The following GPR89A variants were observed in gnomAD, a reference collection of about 807,000 sequenced individuals.
GPR89A encodes the protein G protein-coupled receptor 89A.
A neutral mutation model predicts 52.0 loss-of-function variants in GPR89A; 16 were observed. That is an observed-to-expected ratio of 0.31 (90% CI 0.21 to 0.47). The LOEUF is 0.47. Among genes scored for constraint, GPR89A ranks in the 20% least tolerant of loss-of-function variants. The pLI, the probability that GPR89A is intolerant of heterozygous loss-of-function variation, is 1.00. For synonymous variants in GPR89A, 55 were observed against 150.9 expected (o/e 0.36, Z 4.66); for missense variants, 135 against 449.4 (o/e 0.30, Z 6.33).
chr1:145,630,163 TACTC>T (rs1553689653), intron 5 of GPR89A, among the ~76,000 whole-genome samples: 1 of 142,304 alleles, frequency 7.0e-6, no homozygotes, highest in Non-Finnish European at 1.5e-5. Context: ...GCCTTTGAAT[TACTC>T]ATTCATCTAT....
chr1:145,647,114 T>C (rs1216169139), intron 9 of GPR89A, 61 bp from the exon 10 acceptor site: 2 of 1,532,302 alleles, frequency 1.3e-6, no homozygotes, highest in African/African-American at 1.4e-5. Context: ...GGAAGAATAC[T>C]TGTGTTGAAT....
chr1:145,625,240 A>G (rs1649414576), intron 5 of GPR89A, among the ~76,000 whole-genome samples: 1 of 151,246 alleles, frequency 6.6e-6, no homozygotes, highest in Admixed American at 6.6e-5. Flanking sequence ...CCAGCCTGCC[A>G]AAAGCATTCA....
chr1:145,609,384 A>G (rs1477968303), intron 1 of GPR89A, among the ~76,000 whole-genome samples: 1 of 152,216 alleles, frequency 6.6e-6, no homozygotes, highest in South Asian at 2.1e-4. Flanking sequence ...CTCTAATGCA[A>G]TAGTTTTTTC....
chr1:145,621,731 A>G (rs1159568050), intron 3 of GPR89A, among the ~76,000 whole-genome samples: 4 of 152,120 alleles, frequency 2.6e-5, no homozygotes, highest in Non-Finnish European at 5.9e-5. Flanking sequence ...CTTATAGTTT[A>G]ATCATATAAT....
At chr1:145,619,318 A>AAAAG (rs1553687629) in intron 3 of GPR89A, among the ~76,000 whole-genome samples, 29 of 147,300 alleles carry the variant, frequency 2.0e-4, no homozygotes, top group African/African-American at 4.7e-4. Flanking sequence ...AAAAAAAAAG[A>AAAAG]AGAGAGAGGG....
intron 7 of GPR89A, among the ~76,000 whole-genome samples, chr1:145,635,873 C>T (rs1650202423): frequency 2.0e-5 from 3 of 152,022 alleles, no homozygotes; most frequent in Non-Finnish European, 4.4e-5. Context: ...GCAGGAAAAT[C>T]GCTTGAACCC....
intron 8 of GPR89A, chr1:145,645,059 A>G (rs1650889760): frequency 6.5e-6 from 1 of 153,936 alleles, no homozygotes; most frequent in Non-Finnish European, 1.4e-5. Context: ...ATGATTGTGG[A>G]AGAGAAAGAA....
At chr1:145,647,035 T>C in intron 9 of GPR89A, 140 bp from the exon 10 acceptor site, 1 of 1,345,818 alleles carries the variant, frequency 7.4e-7, no homozygotes. Context: ...TGGCCACAAC[T>C]ACTGTTATTA....
intron 4 of GPR89A, 34 bp downstream of exon 4, chr1:145,623,194 T>C (rs782269534): frequency 9.3e-6 from 15 of 1,611,454 alleles, no homozygotes; most frequent in Middle Eastern, 1.6e-4. Flanking sequence ...AGCATATAGA[T>C]TGAGATGAGT....
At chr1:145,610,315 G>A (rs1360182253) in intron 1 of GPR89A, among the ~76,000 whole-genome samples, 2 of 151,876 alleles carry the variant, frequency 1.3e-5, no homozygotes. Flanking sequence ...CACGGCACAG[G>A]ATGAAGTTCA....
chr1:145,666,796 AT>A (rs1652594683), intron 12 of GPR89A, among the ~76,000 whole-genome samples: 1 of 146,040 alleles, frequency 6.8e-6, no homozygotes, highest in African/African-American at 2.5e-5. Context: ...GAGTGAGAAT[AT>A]GCAGTGTTTG....
At chr1:145,626,868 G>T (rs1219893449) in intron 5 of GPR89A, among the ~76,000 whole-genome samples, 9 of 146,086 alleles carry the variant, frequency 6.2e-5, no homozygotes, top group Admixed American at 2.8e-4. Context: ...CACAAGAATT[G>T]CTTAAACCCA....
chr1:145,612,809 A>ATTC (rs1388221766), intron 1 of GPR89A, among the ~76,000 whole-genome samples: 1 of 150,978 alleles, frequency 6.6e-6, no homozygotes, highest in East Asian at 1.9e-4. Context: ...TTTATTCCAC[A>ATTC]TTCTTCTCTA....
chr1:145,669,566 T>C, intron 12 of GPR89A, 59 bp from the exon 13 acceptor site: 1 of 1,587,714 alleles, frequency 6.3e-7, no homozygotes, highest in Non-Finnish European at 8.6e-7. Flanking sequence ...TATTTCTTAC[T>C]GTTCGTGACA....
Position 145,669,507 on chromosome 1 carries a change from T to G in GPR89A, c.1096-118T>G. Reference sequence around the variant, plus strand: ...ATAGTCTTAATCATATGAATTGTTCTATACAGGATTGTGGCATGGAAGAGA... The same window carrying G: ...ATAGTCTTAATCATATGAATTGTTCGATACAGGATTGTGGCATGGAAGAGA... On this transcript the variant is annotated intron_variant, in intron 12 of 13. Coordinates refer to ENST00000313835, the MANE Select transcript of GPR89A (RefSeq NM_001097612.2). The G allele has an allele frequency of 9.5e-6, 7 of 737,362 alleles. No homozygotes were observed. The South Asian group carries it at 1.1e-4, about 12-fold the overall frequency. The allele number at this position is 737,362 out of a possible 1,614,324, so 45.7% of individuals were successfully genotyped here. A position where few individuals can be genotyped will look rare whatever the true frequency, so the allele number is the denominator to read the frequency against.
chr1:145,654,899 G>A (rs1467512143), intron 10 of GPR89A, among the ~76,000 whole-genome samples: 54 of 151,668 alleles, frequency 3.6e-4, no homozygotes, highest in African/African-American at 1.7e-4. Context: ...AACTTGAAAC[G>A]GTTCCGTTCT....
At chr1:145,634,089 T>TTC (rs1402395594) in intron 7 of GPR89A, among the ~76,000 whole-genome samples, 2 of 151,210 alleles carry the variant, frequency 1.3e-5, no homozygotes, top group Non-Finnish European at 3.0e-5. Flanking sequence ...GTGTTTTTTT[T>TTC]TTTTTTTTAA....
At chr1:145,632,199 C>A (rs1649921690) in intron 7 of GPR89A, among the ~76,000 whole-genome samples, 1 of 152,012 alleles carries the variant, frequency 6.6e-6, no homozygotes, top group Non-Finnish European at 1.5e-5. Flanking sequence ...ATAATTAAAT[C>A]AAGCTAATTA....
chr1:145,622,875 C>CA (rs1649233796), intron 3 of GPR89A, among the ~76,000 whole-genome samples, 179 bp from the exon 4 acceptor site: 1 of 151,984 alleles, frequency 6.6e-6, no homozygotes, highest in Admixed American at 6.6e-5. Flanking sequence ...ATATACCTTT[C>CA]AAAAATTTGT....
Sources: allele counts gnomAD v4.1 joint callset (sites outside exome capture counted in the v4.1 genomes callset), GRCh38; gene constraint gnomAD v4.1.1; transcripts MANE v1.5; gene names NCBI Gene and HGNC (gene_info 2026-07-23, HGNC 2026-07-21).